The following PCDH10 variants were observed in gnomAD, a reference collection of about 807,000 sequenced individuals.
PCDH10 encodes protocadherin 10.
A neutral mutation model predicts 74.4 loss-of-function variants in PCDH10; 15 were observed. The observed-to-expected ratio is 0.20, with a 90% CI of 0.13 to 0.31. The LOEUF is 0.31. Among genes scored for constraint, PCDH10 ranks in the 10% least tolerant of loss-of-function variants. The probability of loss-of-function intolerance (pLI) is 1.00; values close to 1 mark genes in which losing one functional copy is unlikely to be tolerated. For synonymous variants in PCDH10, 619 were observed against 589.8 expected (o/e 1.05, Z -0.72); for missense variants, 1,260 against 1,390.2 (o/e 0.91, Z 1.49).
intron 2 of PCDH10, 56 bp downstream of exon 2, chr4:133,154,421 A>G (rs1726815381): frequency 6.4e-6 from 6 of 943,914 alleles, no homozygotes; most frequent in South Asian, 6.2e-5. Context: ...TAGTAAAAGT[A>G]GGAAGTAGGT....
In PCDH10 at chr4:133,182,423, A is replaced by G. The variant is rs1408570829; in HGVS notation, c.3104-7718A>G. On this transcript the variant is annotated intron_variant, in intron 4 of 4. Transcript: ENST00000264360. ...TTTGTTGGAACTTCAGATACACACA[A>G]TACTGATAAAGTAACTTAAATGAAA... Among the ~76,000 whole-genome samples, 6 of 152,232 alleles carry G rather than the reference A, an allele frequency of 3.9e-5. No homozygotes were observed. In the South Asian group the frequency reaches 6.2e-4, roughly 16 times the overall value.
At chr4:133,160,822 G>T (rs775838831) in intron 3 of PCDH10, among the ~76,000 whole-genome samples, 3 of 151,626 alleles carry the variant, frequency 2.0e-5, no homozygotes, top group Non-Finnish European at 4.4e-5. Context: ...TTCAAATTGA[G>T]TATATTTTTA....
intron 4 of PCDH10, among the ~76,000 whole-genome samples, chr4:133,187,442 C>T (rs1028272112): frequency 1.3e-5 from 2 of 152,076 alleles, no homozygotes; most frequent in African/African-American, 4.8e-5. Context: ...CTCACAGACA[C>T]TGAGGGATAA....
Position 133,162,980 on chromosome 4 carries a change from T to C in PCDH10, c.2801T>C (p.Met934Thr). 1.2e-6 allele frequency: 2 copies of C among 1,609,710 alleles called. No homozygotes were observed. The highest frequency in any genetic ancestry group is 1.7e-6 in the Non-Finnish European group (2 of 1,176,584). Reference protein sequence around the residue: ...DATNRAQSAGMDLFSNCTEEC... With the variant: ...DATNRAQSAGTDLFSNCTEEC... ...AGTTTCTGTTTTCTGCTTACAGGTA[T>C]GGATCTCTTCTCCAATTGCACTGAG... Residue 934 changes from methionine (M) to threonine (T), a missense_variant, in exon 4 of 5, where the codon ATG (methionine) becomes ACG (threonine). By Grantham distance (81) the Met-to-Thr change is moderately conservative. Coordinates refer to ENST00000264360, the MANE Select transcript of PCDH10 (RefSeq NM_032961.3).
intron 3 of PCDH10, 122 bp from the exon 4 acceptor site, chr4:133,162,855 C>A: frequency 2.7e-6 from 2 of 740,702 alleles, no homozygotes; most frequent in East Asian, 2.6e-5. Flanking sequence ...CAGGATAAGC[C>A]AGGAAAAATT....
chr4:133,200,116 A>G (rs1727873785), intron 2 of PCDH10, among the ~76,000 whole-genome samples: 2 of 152,032 alleles, frequency 1.3e-5, no homozygotes, highest in South Asian at 4.1e-4. Flanking sequence ...TTATTCTAAT[A>G]TAAAATGGTA....
intron 4 of PCDH10, 57 bp downstream of exon 4, chr4:133,163,339 A>C (rs74554678): frequency 7.0e-7 from 1 of 1,420,966 alleles, no homozygotes; most frequent in Non-Finnish European, 9.5e-7. Flanking sequence ...ATAAAGTTCA[A>C]CATTCCACTC....
chr4:133,190,078 T>G lies in PCDH10; in HGVS notation c.3104-63T>G, dbSNP rs1156895883. On this transcript the variant is annotated intron_variant, in intron 4 of 4. Coordinates refer to ENST00000264360, the MANE Select transcript of PCDH10 (RefSeq NM_032961.3). ...CTGTATTCTTTCTTTTACAATAATG[T>G]GTAATTCTAAACTCCAAAAGTCAAC... 3.8e-6 allele frequency: 5 copies of G among 1,308,626 alleles called. No individual in the cohort carries two copies. The African/African-American group carries it at 7.3e-5, about 19-fold the overall frequency. 81.1% of individuals were successfully genotyped at this position (1,308,626 alleles called of 1,614,324 possible).
intron 4 of PCDH10, among the ~76,000 whole-genome samples, chr4:133,179,704 G>A (rs1268726897): frequency 6.6e-6 from 1 of 151,930 alleles, no homozygotes; most frequent in Non-Finnish European, 1.5e-5. Flanking sequence ...AGAATATTTT[G>A]TGAAACAATT....
rs200162980 is a variant in PCDH10 at position 133,188,818 on chromosome 4, C to T, written c.3104-1323C>T. On this transcript the variant is annotated intron_variant, in intron 4 of 4. Coordinates refer to ENST00000264360, the MANE Select transcript of PCDH10 (RefSeq NM_032961.3). Reference sequence around the variant, plus strand: ...CCTCCCAAGTAGCTGGGATTATAGGCGCCCACCACCATGCCAGGCTAATAT... The same window carrying T: ...CCTCCCAAGTAGCTGGGATTATAGGTGCCCACCACCATGCCAGGCTAATAT... 4.9e-4 allele frequency among the ~76,000 whole-genome samples: 75 copies of T among 151,574 alleles called. 1 individual carries two copies. The East Asian group carries it at 1.0e-2, about 20-fold the overall frequency.
At chr4:133,199,865 T>A (rs895849652) in intron 2 of PCDH10, among the ~76,000 whole-genome samples, 4 of 150,620 alleles carry the variant, frequency 2.7e-5, no homozygotes, top group African/African-American at 9.7e-5. Flanking sequence ...TGGCCTGATC[T>A]CGGCTCACTG....
chr4:133,179,343 A>C (rs1727361929), intron 4 of PCDH10, among the ~76,000 whole-genome samples: 1 of 152,108 alleles, frequency 6.6e-6, no homozygotes, highest in Non-Finnish European at 1.5e-5. Flanking sequence ...TCCTCTTAAC[A>C]CATTTTTGAG....
In PCDH10 at chr4:133,152,003, G is replaced by T. The variant is rs1445571832; in HGVS notation, c.1863G>T (p.Val621=). ...GENARLTYSI[V]RGNEMNLFRM... The stretch of plus-strand genomic sequence containing the variant: ...ACGCCCGGCTCACTTACAGCATCGT[G>T]CGTGGCAACGAAATGAACCTCTTTC... The change falls in exon 1 of 5, where the codon GTG becomes GTT. Residue 621 remains valine (V), a synonymous_variant. Transcript: ENST00000264360. The T allele has an allele frequency of 2.5e-6, 4 of 1,612,640 alleles. No homozygotes were observed. The highest frequency in any genetic ancestry group is 1.3e-5 in the African/African-American group (1 of 74,944).
At chr4:133,189,805 AT>A (rs1306085894) in intron 4 of PCDH10, among the ~76,000 whole-genome samples, 1 of 152,000 alleles carries the variant, frequency 6.6e-6, no homozygotes, top group Non-Finnish European at 1.5e-5. Context: ...AGGGCCACAC[AT>A]TTTTTTCTAT....
chr4:133,202,306 G>C (rs1002616788), intron 2 of PCDH10, among the ~76,000 whole-genome samples: 4 of 152,156 alleles, frequency 2.6e-5, no homozygotes, highest in African/African-American at 9.7e-5. Context: ...CTATTTGCCA[G>C]TTAGTAGCTT....
intron 4 of PCDH10, among the ~76,000 whole-genome samples, chr4:133,170,416 A>G (rs1196565276): frequency 6.6e-6 from 1 of 152,158 alleles, no homozygotes; most frequent in African/African-American, 2.4e-5. Flanking sequence ...TAAGTCATTC[A>G]ACAAGGGATT....
At chr4:133,199,787 CTATTATTATTAT>C (rs200419038) in intron 2 of PCDH10, among the ~76,000 whole-genome samples, 1 of 135,706 alleles carries the variant, frequency 7.4e-6, no homozygotes, top group Non-Finnish European at 1.5e-5. Context: ...ATTATTATTA[CTATTATTATTAT>C]TATTATTATT....
At chr4:133,152,831 G>T in intron 1 of PCDH10, 60 bp downstream of exon 1, 1 of 1,606,336 alleles carries the variant, frequency 6.2e-7, no homozygotes, top group Non-Finnish European at 8.5e-7. Flanking sequence ...GCCTCCTCTA[G>T]CCCGGCCCTT....
chr4:133,193,658 G>C lies in PCDH10; in HGVS notation c.*3498G>C, dbSNP rs1383912392. On this transcript the variant is annotated 3_prime_UTR_variant, in exon 5 of 5. Transcript: ENST00000264360. ...AAGAAAAGTATTTAAGTTATTGACT[G>C]ATCATAGCACTGTTATTTGTCATTG... 6.6e-6 allele frequency: 1 copy of C among 151,654 alleles called. No homozygotes were observed. The highest frequency in any genetic ancestry group is 1.5e-5 in the Non-Finnish European group (1 of 67,678). The allele number at this position is 151,654 out of a possible 1,614,324, so 9.4% of individuals were successfully genotyped here.
Sources: allele counts gnomAD v4.1 joint callset (sites outside exome capture counted in the v4.1 genomes callset), GRCh38; gene constraint gnomAD v4.1.1; transcripts MANE v1.5; gene names NCBI Gene and HGNC (gene_info 2026-07-23, HGNC 2026-07-21).